CNNM1: variants seen among roughly 807,000 people sequenced by gnomAD.
CNNM1 encodes metal transporter CNNM1.
A neutral mutation model predicts 78.8 loss-of-function variants in CNNM1; 44 were observed. The observed-to-expected ratio is 0.56, with a 90% CI of 0.44 to 0.72. The LOEUF is 0.72. Among genes scored for constraint, CNNM1 ranks in the 30% least tolerant of loss-of-function variants. CNNM1 has a pLI of 0.00. For synonymous variants in CNNM1, 584 were observed against 581.5 expected, an observed-to-expected ratio of 1.00 and a Z score of -0.06; for missense variants, 1,101 against 1,292.2, an observed-to-expected ratio of 0.85 and a Z score of 2.27.
chr10:99,335,313 A>G (rs2030125487), intron 1 of CNNM1, among the ~76,000 whole-genome samples: 1 of 152,198 alleles, frequency 6.6e-6, no homozygotes, highest in African/African-American at 2.4e-5. Context: ...GAAGTGGGGA[A>G]GAGGAAAATG....
chr10:99,340,958 T>G (rs1049245773), intron 1 of CNNM1, among the ~76,000 whole-genome samples: 1 of 149,794 alleles, frequency 6.7e-6, no homozygotes, highest in Non-Finnish European at 1.5e-5. Context: ...GCACTGGAGA[T>G]GCAGTGTGGA....
chr10:99,387,801 C>T lies in CNNM1; in HGVS notation c.2341-19C>T, dbSNP rs1229583824. ...GTCTCTGCCTAGCTGCTCCTAAGCT[C>T]CTGCCCTCTTCCTTCCAGATCACAC... On this transcript the variant is annotated intron_variant, in intron 7 of 10. Coordinates refer to ENST00000356713, the MANE Select transcript of CNNM1 (RefSeq NM_020348.3). 1 of 1,571,798 alleles carries T rather than the reference C, an allele frequency of 6.4e-7. No individual in the cohort carries two copies. The highest frequency in any genetic ancestry group is 8.6e-7 in the Non-Finnish European group (1 of 1,158,250).
At chr10:99,381,273 G>T (rs551315203) in intron 7 of CNNM1, among the ~76,000 whole-genome samples, 8 of 151,610 alleles carry the variant, frequency 5.3e-5, no homozygotes. Context: ...AATTAGCCAG[G>T]CATGGTGGTG....
chr10:99,381,743 CA>C lies in CNNM1; in HGVS notation c.2340+4536del, dbSNP rs1266661783. Among the ~76,000 whole-genome samples the C allele has an allele frequency of 4.2e-3, 456 of 109,322 alleles. 4 individuals carry two copies. Among genetic ancestry groups the C allele is most frequent in the African/African-American group, 0.014 (372 of 26,144 alleles). 71.7% of individuals were successfully genotyped at this position (109,322 alleles called of 152,430 possible). A position where few individuals can be genotyped will look rare whatever the true frequency, so the allele number is the denominator to read the frequency against. On this transcript the variant is annotated intron_variant, in intron 7 of 10. Transcript: ENST00000356713. ...GGGCGACAAGAGCGAAACTCCGTCT[CA>C]AAAAAAAAAACCAAAAAACAAAAAA...
intron 1 of CNNM1, among the ~76,000 whole-genome samples, chr10:99,351,370 A>C (rs998160385): frequency 6.6e-6 from 1 of 152,218 alleles, no homozygotes; most frequent in Non-Finnish European, 1.5e-5. Context: ...CACATATGCC[A>C]CATATGCCAC....
Position 99,362,291 on chromosome 10 carries a change from C to T in CNNM1, c.1923C>T (p.Pro641=). The T allele has an allele frequency of 6.2e-7, 1 of 1,613,960 alleles. No homozygotes were observed. The highest frequency in any genetic ancestry group is 8.5e-7 in the Non-Finnish European group (1 of 1,179,866). Residue 641 remains proline (P), a synonymous_variant, in exon 4 of 11, where the codon CCC becomes CCT. Transcript: ENST00000356713. ...TCCTGCTCCGGCTCCTGAAACATCC[C>T]AACGTGATCCAGGAGCTGAAGTTTG... ...EKILLRLLKH[P]NVIQELKFDE... is the part of the protein sequence containing the mutation.
At chr10:99,352,957 T>C (rs1358593477) in intron 1 of CNNM1, among the ~76,000 whole-genome samples, 2 of 152,114 alleles carry the variant, frequency 1.3e-5, no homozygotes, top group Non-Finnish European at 1.5e-5. Flanking sequence ...AGTTTTATAG[T>C]TTTTACTCTT....
chr10:99,338,119 C>G (rs1212962017), intron 1 of CNNM1, among the ~76,000 whole-genome samples: 1 of 152,178 alleles, frequency 6.6e-6, no homozygotes, highest in African/African-American at 2.4e-5. Context: ...AAGCTGGACA[C>G]TCACCTTTCC....
intron 1 of CNNM1, among the ~76,000 whole-genome samples, chr10:99,341,903 A>G (rs978227863): frequency 3.3e-5 from 5 of 152,332 alleles, no homozygotes; most frequent in African/African-American, 1.2e-4. Flanking sequence ...GATTCTAAAT[A>G]TAACTTAATC....
chr10:99,340,784 TTTTC>T (rs943405746), intron 1 of CNNM1, among the ~76,000 whole-genome samples: 2 of 147,166 alleles, frequency 1.4e-5, no homozygotes, highest in Non-Finnish European at 3.0e-5. Flanking sequence ...TCCTTCTTTC[TTTTC>T]TTTCTTTCTT....
chr10:99,359,472 C>G (rs1430055217), intron 2 of CNNM1, among the ~76,000 whole-genome samples: 4 of 152,128 alleles, frequency 2.6e-5, no homozygotes, highest in Admixed American at 1.3e-4. Flanking sequence ...CTTGCATGAC[C>G]CTGACCTCTT....
Position 99,390,334 on chromosome 10 carries a change from C to T in CNNM1, c.2703C>T (p.Asn901=). The part of the protein sequence containing the change: ...AASDSECCNI[N]LDTETSPCSS... ...CAGATAGTGAATGTTGTAACATCAA[C>T]CTGGATACAGAGACCAGCCCCTGCA... is the stretch of plus-strand genomic sequence containing the variant. Residue 901 remains asparagine (N), a synonymous_variant, in exon 10 of 11, where the codon AAC becomes AAT. Transcript: ENST00000356713. The T allele has an allele frequency of 6.2e-7, 1 of 1,613,164 alleles. No individual in the cohort carries two copies. Among genetic ancestry groups the T allele is most frequent in the Non-Finnish European group, 8.5e-7 (1 of 1,179,606 alleles).
At position 99,343,217 on chromosome 10, in the gene CNNM1, C is replaced by T. The variant is rs142486807; in HGVS notation, c.1573+12257C>T. On this transcript the variant is annotated intron_variant, in intron 1 of 10. Transcript: ENST00000356713. ...ACCTCAGGTGATCTGCTCACCTCGGCCTCCCAAAGTGCTGGGATTACAGGC... is the reference window on the plus strand; with the variant it reads ...ACCTCAGGTGATCTGCTCACCTCGGTCTCCCAAAGTGCTGGGATTACAGGC... Among the ~76,000 whole-genome samples, 921 of 152,212 alleles carry T rather than the reference C, an allele frequency of 6.1e-3. 4 individuals are homozygous for T. Among genetic ancestry groups the T allele is most frequent in the Non-Finnish European group, 8.7e-3 (592 of 68,016 alleles).
chr10:99,359,025 A>T (rs1241958335), intron 2 of CNNM1, among the ~76,000 whole-genome samples: 5 of 150,082 alleles, frequency 3.3e-5, no homozygotes, highest in Non-Finnish European at 7.4e-5. Context: ...AAAAAAAAAA[A>T]AAAAAAAAAA....
chr10:99,390,449 G>C, intron 10 of CNNM1, 42 bp downstream of exon 10: 1 of 1,399,182 alleles, frequency 7.1e-7, no homozygotes, highest in Non-Finnish European at 1.0e-6. Flanking sequence ...CCACCCTGCT[G>C]ATGGTTAGTA....
chr10:99,360,660 C>T (rs2031397735), intron 2 of CNNM1, among the ~76,000 whole-genome samples, 175 bp from the exon 3 acceptor site: 1 of 152,170 alleles, frequency 6.6e-6, no homozygotes, highest in African/African-American at 2.4e-5. Flanking sequence ...GAAATGATGG[C>T]AGTCTCCCAT....
intron 2 of CNNM1, among the ~76,000 whole-genome samples, chr10:99,359,242 G>A (rs1283843494): frequency 2.0e-5 from 3 of 151,596 alleles, no homozygotes; most frequent in African/African-American, 4.8e-5. Context: ...ATCTGATGGG[G>A]GAGAGGGGGG....
chr10:99,391,303 C>T (rs1039696645), intron 10 of CNNM1, 134 bp from the exon 11 acceptor site: 7 of 644,100 alleles, frequency 1.1e-5, no homozygotes, highest in Admixed American at 2.8e-5. Flanking sequence ...CATACAATGC[C>T]GGTTAGTTCT....
chr10:99,390,905 A>AG (rs2032453271), intron 10 of CNNM1, among the ~76,000 whole-genome samples: 1 of 152,230 alleles, frequency 6.6e-6, no homozygotes, highest in Non-Finnish European at 1.5e-5. Context: ...CCTTCCTAAA[A>AG]ACAGACCTGG....
Sources: gnomAD v4.1 joint callset for allele counts (sites outside exome capture counted in the v4.1 genomes callset) on GRCh38, gnomAD v4.1.1 for gene constraint, MANE v1.5 for transcripts, NCBI Gene and HGNC (gene_info 2026-07-23, HGNC 2026-07-21) for gene names.